Variants in EYS observed in about 807,000 individuals in gnomAD.
EYS encodes protein eyes shut homolog.
Under a neutral mutation model 282.1 loss-of-function variants are expected in EYS, and 250 were observed. The ratio of observed to expected loss-of-function variants is 0.89; its 90% CI spans 0.80 to 0.98. The LOEUF is 0.98. Among genes scored for constraint, EYS ranks in the 50% least tolerant of loss-of-function variants. The pLI, the probability that EYS is intolerant of heterozygous loss-of-function variation, is 0.00. For missense variants in EYS, 4,016 were observed against 3,709.0 expected, an observed-to-expected ratio of 1.08 and a Z score of -2.15; for synonymous variants, 1,355 against 1,282.9, an observed-to-expected ratio of 1.06 and a Z score of -1.20.
intron 11 of EYS, among the ~76,000 whole-genome samples, chr6:65,334,451 G>T (rs1386827200): frequency 1.3e-5 from 2 of 151,370 alleles, no homozygotes; most frequent in Admixed American, 6.6e-5. Flanking sequence ...TAAGTTTTTT[G>T]TAGAGACAAA....
At chr6:65,011,368 C>T (rs1441565934) in intron 13 of EYS, among the ~76,000 whole-genome samples, 1 of 152,178 alleles carries the variant, frequency 6.6e-6, no homozygotes, top group African/African-American at 2.4e-5. Context: ...CTTTAACCTC[C>T]TTGTTAAGTT....
rs1055266003 is a variant in EYS at position 64,938,958 on chromosome 6, T to C, written c.2381+6835A>G. Among the ~76,000 whole-genome samples the C allele has an allele frequency of 2.6e-5, 4 of 151,706 alleles. No homozygotes were observed. In the East Asian group the frequency reaches 7.8e-4, roughly 29 times the overall value. On this transcript the variant is annotated intron_variant, in intron 15 of 42. Coordinates refer to ENST00000503581, the MANE Select transcript of EYS (RefSeq NM_001142800.2). ...AGTAAAGGGGGACTATTGTACTGAA[T>C]TGTACACCTAAAAAGGTGAATTGTA...
At chr6:65,289,841 G>A (rs886139946) in intron 12 of EYS, among the ~76,000 whole-genome samples, 7 of 150,962 alleles carry the variant, frequency 4.6e-5, no homozygotes, top group Non-Finnish European at 1.0e-4. Flanking sequence ...TTACATTTCT[G>A]TATTTTTCAA....
At chr6:64,480,249 T>C (rs115980790) in intron 26 of EYS, among the ~76,000 whole-genome samples, 3,196 of 152,000 alleles carry the variant, frequency 0.021, 58 homozygotes, top group African/African-American at 0.051. Flanking sequence ...GAACCATTCA[T>C]ATGTACACCT....
At chr6:65,009,106 A>G (rs2150132137) in intron 13 of EYS, among the ~76,000 whole-genome samples, 1 of 152,268 alleles carries the variant, frequency 6.6e-6, no homozygotes, top group Admixed American at 6.5e-5. Context: ...TGCTTGAGGA[A>G]GGAATTAATC....
chr6:64,719,507 G>A (rs947375496), intron 22 of EYS, among the ~76,000 whole-genome samples: 1 of 152,140 alleles, frequency 6.6e-6, no homozygotes, highest in Non-Finnish European at 1.5e-5. Context: ...ACTACCTTAA[G>A]AGCAGCATGA....
At chr6:64,552,113 G>A (rs1020553016) in intron 26 of EYS, among the ~76,000 whole-genome samples, 3 of 152,080 alleles carry the variant, frequency 2.0e-5, no homozygotes, top group African/African-American at 7.2e-5. Context: ...CCCTAGTTCA[G>A]GCCATGATAG....
chr6:64,655,390 C>A (rs1418260474), intron 22 of EYS, among the ~76,000 whole-genome samples: 5 of 151,902 alleles, frequency 3.3e-5, no homozygotes, highest in Admixed American at 6.6e-5. Context: ...GGATATCAAT[C>A]TTTGATGCCT....
intron 31 of EYS, among the ~76,000 whole-genome samples, chr6:64,185,503 A>G (rs2150313819): frequency 1.3e-5 from 2 of 152,298 alleles, no homozygotes; most frequent in South Asian, 4.1e-4. Context: ...GTGAATGACA[A>G]ATTAATTATA....
intron 35 of EYS, among the ~76,000 whole-genome samples, chr6:63,960,976 C>G (rs1168856846): frequency 6.6e-6 from 1 of 152,176 alleles, no homozygotes; most frequent in Non-Finnish European, 1.5e-5. Context: ...CAAATTCAAC[C>G]ACCTACCTAC....
At chr6:65,622,150 G>A (rs976239902) in intron 2 of EYS, among the ~76,000 whole-genome samples, 1 of 152,154 alleles carries the variant, frequency 6.6e-6, no homozygotes, top group African/African-American at 2.4e-5. Flanking sequence ...CTTCTCAGCT[G>A]ATTCTCTCTG....
At chr6:64,895,468 T>C (rs1193469667) in intron 18 of EYS, among the ~76,000 whole-genome samples, 2 of 152,196 alleles carry the variant, frequency 1.3e-5, no homozygotes, top group Admixed American at 6.5e-5. Flanking sequence ...TATATTTATA[T>C]AGAATAAAGT....
intron 42 of EYS, among the ~76,000 whole-genome samples, chr6:63,723,080 G>T (rs931148969): frequency 2.6e-5 from 4 of 152,054 alleles, no homozygotes; most frequent in African/African-American, 4.8e-5. Context: ...ATTAAATAAA[G>T]AAATACGTTT....
At chr6:64,898,052 A>G (rs1767530943) in intron 18 of EYS, among the ~76,000 whole-genome samples, 1 of 152,194 alleles carries the variant, frequency 6.6e-6, no homozygotes, top group African/African-American at 2.4e-5. Context: ...ATCTAGGAGA[A>G]CTTCCCCACC....
intron 35 of EYS, among the ~76,000 whole-genome samples, chr6:63,868,079 G>T (rs1562068501): frequency 6.6e-6 from 1 of 151,994 alleles, no homozygotes; most frequent in Non-Finnish European, 1.5e-5. Flanking sequence ...AAGATGAGAA[G>T]GTTTTCATTT....
Position 65,330,535 on chromosome 6 carries a change from C to CA in EYS, c.1766+4444dup, listed in dbSNP as rs528018533. On this transcript the variant is annotated intron_variant, in intron 11 of 42. Transcript: ENST00000503581. ...GAAAAATTTTTTGAAGATTTCAGGG[C>CA]AAAAAAATGTGGTAATATGCAGACC... The CA allele has an allele frequency of 6.8e-4, 672 of 983,448 alleles. 1 individual carries two copies. Among genetic ancestry groups the CA allele is most frequent in the African/African-American group, 5.5e-3 (314 of 57,130 alleles). The allele number at this position is 983,448 out of a possible 1,614,324, so 60.9% of individuals were successfully genotyped here. A position where few individuals can be genotyped will look rare whatever the true frequency, so the allele number is the denominator to read the frequency against.
chr6:65,179,412 T>C (rs1203861864), intron 12 of EYS, among the ~76,000 whole-genome samples: 1 of 151,954 alleles, frequency 6.6e-6, no homozygotes, highest in Non-Finnish European at 1.5e-5. Context: ...CAAACTACCA[T>C]CAGAGAATAC....
intron 36 of EYS, among the ~76,000 whole-genome samples, chr6:63,807,623 C>T (rs1483309652): frequency 6.6e-6 from 1 of 151,942 alleles, no homozygotes; most frequent in Non-Finnish European, 1.5e-5. Context: ...AAGCTGAATA[C>T]TTTGTTTTGA....
chr6:64,365,519 A>G (rs942689540), intron 29 of EYS, among the ~76,000 whole-genome samples: 1 of 151,936 alleles, frequency 6.6e-6, no homozygotes, highest in Non-Finnish European at 1.5e-5. Flanking sequence ...AGCCATGGAC[A>G]CTCACAGGAA....
Sources: gnomAD v4.1 joint callset for allele counts (sites outside exome capture counted in the v4.1 genomes callset) on GRCh38, gnomAD v4.1.1 for gene constraint, MANE v1.5 for transcripts, NCBI Gene and HGNC (gene_info 2026-07-23, HGNC 2026-07-21) for gene names.